Variants in FRAS1 observed in about 807,000 individuals in gnomAD.
FRAS1 encodes the protein Fraser extracellular matrix complex subunit 1, also known as extracellular matrix organizing protein FRAS1.
Under a neutral mutation model 435.2 loss-of-function variants are expected in FRAS1, and 290 were observed. That is an observed-to-expected ratio of 0.67 (90% CI 0.61 to 0.73). The LOEUF (loss-of-function observed/expected upper bound fraction) is 0.73. Ranked by LOEUF, FRAS1 falls within the 30% of genes least tolerant of loss-of-function variation. The pLI, the probability that FRAS1 is intolerant of heterozygous loss-of-function variation, is 0.00. For synonymous variants in FRAS1, 1,800 were observed against 1,851.0 expected (o/e 0.97, Z 0.71); for missense variants, 4,860 against 5,001.5 (o/e 0.97, Z 0.85).
chr4:78,145,393 ATGGTTGTTGTTTTTCACTACTTT>A (rs1329560228), intron 2 of FRAS1, among the ~76,000 whole-genome samples: 2 of 152,142 alleles, frequency 1.3e-5, no homozygotes, highest in East Asian at 3.8e-4. Flanking sequence ...CGGTGGAAGC[ATGGTTGTTGTTTTTCACTACTTT>A]TCTTCTTCAT....
chr4:78,207,743 T>G (rs920217496), intron 2 of FRAS1, among the ~76,000 whole-genome samples: 1 of 152,224 alleles, frequency 6.6e-6, no homozygotes, highest in Admixed American at 6.5e-5. Flanking sequence ...TCCTATAACT[T>G]CTTCCAATCT....
In FRAS1 at chr4:78,438,537, C is replaced by T. The variant is rs368190849; in HGVS notation, c.5218-33C>T. ...GGAAGTGTTTATTCCTGCAAATGTG[C>T]GTTCATGTCCTGCCTCATGTTTGCC... On this transcript the variant is annotated intron_variant, in intron 38 of 73. Transcript: ENST00000512123. 2,363 of 1,611,256 alleles carry T rather than the reference C, an allele frequency of 1.5e-3. 8 individuals are homozygous for T. Among genetic ancestry groups the T allele is most frequent in the Non-Finnish European group, 1.9e-3 (2,189 of 1,178,656 alleles).
intron 2 of FRAS1, among the ~76,000 whole-genome samples, chr4:78,068,894 T>C (rs149168199): frequency 1.1e-4 from 17 of 152,060 alleles, no homozygotes; most frequent in African/African-American, 3.9e-4. Context: ...CATTCACTGC[T>C]GCTCTCTCTC....
chr4:78,494,438 C>CAGAAGAGGAAGGGGAGCAGGCATCAT (rs2109869766), intron 59 of FRAS1, among the ~76,000 whole-genome samples: 1 of 152,132 alleles, frequency 6.6e-6, no homozygotes, highest in Admixed American at 6.5e-5. Flanking sequence ...CCACTCAAGG[C>CAGAAGAGGAAGGGGAGCAGGCATCAT]AGAAGAGGAA....
chr4:78,500,056 C>G (rs773248362), intron 61 of FRAS1, 135 bp downstream of exon 61: 2 of 621,114 alleles, frequency 3.2e-6, no homozygotes, highest in Non-Finnish European at 5.0e-6. Context: ...TTTAAGCACA[C>G]ATTTGAGATT....
chr4:78,380,930 G>A (rs1338061444), intron 27 of FRAS1, among the ~76,000 whole-genome samples: 3 of 152,176 alleles, frequency 2.0e-5, no homozygotes, highest in African/African-American at 7.2e-5. Flanking sequence ...AGAACAACTA[G>A]CATTTATGGA....
chr4:78,318,400 A>G (rs1392773419), intron 17 of FRAS1, among the ~76,000 whole-genome samples: 1 of 152,228 alleles, frequency 6.6e-6, no homozygotes, highest in Non-Finnish European at 1.5e-5. Flanking sequence ...TAATAACACA[A>G]CCACCATTTT....
At position 78,446,840 on chromosome 4, in the gene FRAS1, T is replaced by A; in HGVS notation, c.5970T>A (p.Asp1990Glu). Residue 1990 changes from aspartate (D) to glutamate (E), a missense_variant, in exon 43 of 74, where the codon GAT becomes GAA. Physicochemically the swap from Asp to Glu is conservative, Grantham distance 45. Transcript: ENST00000512123. ...SLSLQDLDTP[D>E]NELIFVLTKK... ...GCCTGCAAGACCTGGACACCCCAGA[T>A]AATGAGCTCATTTTTGTATTGACAA... 1.9e-6 allele frequency: 3 copies of A among 1,612,136 alleles called. No homozygotes were observed. Among genetic ancestry groups the A allele is most frequent in the African/African-American group, 1.3e-5 (1 of 74,998 alleles).
intron 7 of FRAS1, among the ~76,000 whole-genome samples, chr4:78,266,414 C>A (rs1322970923): frequency 2.0e-5 from 3 of 152,184 alleles, no homozygotes; most frequent in Non-Finnish European, 4.4e-5. Flanking sequence ...CCCGTGAGGT[C>A]CCCTCCGGTT....
chr4:78,306,829 A>G (rs964289642), intron 14 of FRAS1, among the ~76,000 whole-genome samples: 1 of 152,010 alleles, frequency 6.6e-6, no homozygotes, highest in African/African-American at 2.4e-5. Flanking sequence ...TGTAGCTTGG[A>G]GTAATTTGAT....
chr4:78,116,357 A>G (rs1219317303), intron 2 of FRAS1, among the ~76,000 whole-genome samples: 1 of 152,298 alleles, frequency 6.6e-6, no homozygotes, highest in East Asian at 1.9e-4. Context: ...GCCTTGGTGC[A>G]GAGCTGAGTT....
chr4:78,205,223 A>T (rs1214682204), intron 2 of FRAS1, among the ~76,000 whole-genome samples: 1 of 140,500 alleles, frequency 7.1e-6, no homozygotes, highest in Non-Finnish European at 1.5e-5. Context: ...TTTTTTTGAG[A>T]CAGGATCTTT....
At chr4:78,067,672 TTTA>T (rs60743368) in intron 2 of FRAS1, among the ~76,000 whole-genome samples, 41,791 of 125,406 alleles carry the variant, frequency 0.33, 6,876 homozygotes, top group East Asian at 0.42. Flanking sequence ...TTTTCTTTCT[TTTA>T]TTATTATTAT....
In FRAS1 at chr4:78,094,299, T is replaced by C. The variant is rs545770489; in HGVS notation, c.108+28283T>C. Reference sequence around the variant, plus strand: ...AAAAAATGAAAATGTTGGCAAATGATTGAATTTAAATATTTTGATTGTTTG... The same window carrying C: ...AAAAAATGAAAATGTTGGCAAATGACTGAATTTAAATATTTTGATTGTTTG... On this transcript the variant is annotated intron_variant, in intron 2 of 73. Coordinates refer to ENST00000512123, the MANE Select transcript of FRAS1 (RefSeq NM_025074.7). Among the ~76,000 whole-genome samples the C allele has an allele frequency of 5.3e-5, 8 of 152,086 alleles. No homozygotes were observed. The South Asian group carries it at 1.2e-3, about 24-fold the overall frequency.
At chr4:78,442,775 T>C (rs899730444) in intron 41 of FRAS1, among the ~76,000 whole-genome samples, 18 of 152,316 alleles carry the variant, frequency 1.2e-4, no homozygotes, top group African/African-American at 4.3e-4. Flanking sequence ...TGAAACAGTT[T>C]CCTGGAGCAG....
At chr4:78,436,386 A>T (rs1266127253) in intron 38 of FRAS1, among the ~76,000 whole-genome samples, 1 of 152,202 alleles carries the variant, frequency 6.6e-6, no homozygotes, top group African/African-American at 2.4e-5. Context: ...CGTAAACTGG[A>T]TCAACCACTT....
chr4:78,284,678 C>A, intron 13 of FRAS1, 130 bp downstream of exon 13: 1 of 805,390 alleles, frequency 1.2e-6, no homozygotes, highest in Non-Finnish European at 1.9e-6. Context: ...TTTTGAGATG[C>A]ACAACGTCTA....
chr4:78,192,868 G>A (rs1314403567), intron 2 of FRAS1, among the ~76,000 whole-genome samples: 1 of 152,144 alleles, frequency 6.6e-6, no homozygotes, highest in Non-Finnish European at 1.5e-5. Context: ...CAATGTTAGG[G>A]TGTCAATTTT....
intron 2 of FRAS1, among the ~76,000 whole-genome samples, chr4:78,202,071 G>C (rs1263231677): frequency 6.6e-6 from 1 of 152,088 alleles, no homozygotes; most frequent in Non-Finnish European, 1.5e-5. Context: ...GCATCTAGTG[G>C]GTAGAAGCAA....
Sources: allele counts gnomAD v4.1 joint callset (sites outside exome capture counted in the v4.1 genomes callset), GRCh38; gene constraint gnomAD v4.1.1; transcripts MANE v1.5; gene names NCBI Gene and HGNC (gene_info 2026-07-23, HGNC 2026-07-21).